C12orf56: variants seen among roughly 807,000 people sequenced by gnomAD.
C12orf56 encodes the protein uncharacterized protein C12orf56.
Under a neutral mutation model 69.9 loss-of-function variants are expected in C12orf56, and 71 were observed. The ratio of observed to expected loss-of-function variants is 1.02; its 90% CI spans 0.84 to 1.24. The LOEUF is 1.24. C12orf56 is among the 50% of genes most tolerant of loss of function. C12orf56 has a pLI of 0.00. For synonymous variants in C12orf56, 276 were observed against 274.1 expected (o/e 1.01, Z -0.07); for missense variants, 732 against 738.5 (o/e 0.99, Z 0.10).
intron 5 of C12orf56, among the ~76,000 whole-genome samples, chr12:64,308,940 G>GAAAAAAGA (rs35488127): frequency 3.2e-4 from 26 of 80,878 alleles, no homozygotes; most frequent in African/African-American, 6.4e-4. Context: ...AAGAAAGAAA[G>GAAAAAAGA]AAGAAAGAAA....
At chr12:64,380,000 G>C (rs1274090041) in intron 1 of C12orf56, among the ~76,000 whole-genome samples, 2 of 149,696 alleles carry the variant, frequency 1.3e-5, no homozygotes, top group Non-Finnish European at 3.0e-5. Flanking sequence ...AGCTACTCCG[G>C]AGGCTGAGGC....
At chr12:64,358,798 A>T (rs2135958306) in intron 1 of C12orf56, among the ~76,000 whole-genome samples, 1 of 152,242 alleles carries the variant, frequency 6.6e-6, no homozygotes, top group South Asian at 2.1e-4. Context: ...CATCTCCAAA[A>T]AATAATAATA....
chr12:64,284,389 G>A (rs1305050937), intron 8 of C12orf56, among the ~76,000 whole-genome samples: 1 of 152,286 alleles, frequency 6.6e-6, no homozygotes, highest in East Asian at 1.9e-4. Flanking sequence ...TGTATGATGG[G>A]TCATTTGGTC....
At chr12:64,295,452 A>G (rs2038352357) in intron 6 of C12orf56, among the ~76,000 whole-genome samples, 1 of 152,134 alleles carries the variant, frequency 6.6e-6, no homozygotes, top group Non-Finnish European at 1.5e-5. Context: ...TGAGTCCAAG[A>G]CCAGCCTGGG....
intron 1 of C12orf56, among the ~76,000 whole-genome samples, chr12:64,382,262 CAAAAAA>C (rs55714337): frequency 2.0e-5 from 2 of 97,700 alleles, no homozygotes; most frequent in Admixed American, 1.2e-4. Context: ...ACTCTTGTCT[CAAAAAA>C]AAAAAAAAAA....
chr12:64,346,980 A>ATTT (rs71092960), intron 2 of C12orf56, among the ~76,000 whole-genome samples: 170 of 149,332 alleles, frequency 1.1e-3, no homozygotes, highest in African/African-American at 3.0e-3. Context: ...ATCTAGTTAC[A>ATTT]TTTTTTTTTT....
intron 1 of C12orf56, among the ~76,000 whole-genome samples, chr12:64,356,561 G>A (rs1037273795): frequency 6.6e-6 from 1 of 152,176 alleles, no homozygotes; most frequent in African/African-American, 2.4e-5. Flanking sequence ...TTTAAAGAGA[G>A]CAGGAGTACA....
intron 8 of C12orf56, among the ~76,000 whole-genome samples, chr12:64,282,527 C>T (rs946244204): frequency 2.5e-5 from 1 of 40,238 alleles, no homozygotes; most frequent in African/African-American, 5.6e-5. Flanking sequence ...GTAATCCTAG[C>T]ACTTTGGGGG....
At chr12:64,350,186 A>G (rs1317060834) in intron 2 of C12orf56, among the ~76,000 whole-genome samples, 2 of 151,948 alleles carry the variant, frequency 1.3e-5, no homozygotes, top group African/African-American at 4.8e-5. Flanking sequence ...TACAAATTGG[A>G]TGCAGTGTAT....
chr12:64,335,518 C>T (rs1449286861), intron 2 of C12orf56, among the ~76,000 whole-genome samples: 2 of 151,692 alleles, frequency 1.3e-5, no homozygotes, highest in East Asian at 3.9e-4. Context: ...AATAACCATC[C>T]TCTTTCATCT....
At chr12:64,332,818 C>G (rs2136868332) in intron 2 of C12orf56, among the ~76,000 whole-genome samples, 1 of 152,280 alleles carries the variant, frequency 6.6e-6, no homozygotes, top group Non-Finnish European at 1.5e-5. Context: ...GGAGGAGGTC[C>G]TAGCCAAGCT....
At chr12:64,366,164 T>C (rs1305439722) in intron 1 of C12orf56, among the ~76,000 whole-genome samples, 1 of 128,498 alleles carries the variant, frequency 7.8e-6, no homozygotes, top group Non-Finnish European at 1.5e-5. Flanking sequence ...ATATAGCTTG[T>C]ATAATATATA....
At chr12:64,367,887 A>C (rs1462110445) in intron 1 of C12orf56, among the ~76,000 whole-genome samples, 1 of 149,464 alleles carries the variant, frequency 6.7e-6, no homozygotes, top group African/African-American at 2.5e-5. Context: ...AGCTCACTGC[A>C]ACCTCTACCT....
At chr12:64,308,973 A>AAGAAAGG (rs1291248261) in intron 5 of C12orf56, among the ~76,000 whole-genome samples, 2 of 47,280 alleles carry the variant, frequency 4.2e-5, no homozygotes, top group African/African-American at 1.8e-4. Context: ...GAAAGAAAGA[A>AAGAAAGG]AAGAAAGAAA....
chr12:64,341,103 A>G (rs946074696), intron 2 of C12orf56, among the ~76,000 whole-genome samples: 1 of 152,122 alleles, frequency 6.6e-6, no homozygotes, highest in Non-Finnish European at 1.5e-5. Flanking sequence ...TGTTGACTTA[A>G]AGGTAGGAGG....
chr12:64,382,671 G>A (rs1377266580), intron 1 of C12orf56, among the ~76,000 whole-genome samples: 1 of 150,762 alleles, frequency 6.6e-6, no homozygotes, highest in African/African-American at 2.4e-5. Flanking sequence ...TCAGGAGATC[G>A]AAACCATCCT....
chr12:64,285,671 C>G (rs2038189555), intron 7 of C12orf56, among the ~76,000 whole-genome samples: 1 of 152,036 alleles, frequency 6.6e-6, no homozygotes. Flanking sequence ...GCTTGTAATC[C>G]CAGTTGCTCC....
At chr12:64,382,313 A>C (rs568013486) in intron 1 of C12orf56, among the ~76,000 whole-genome samples, 3 of 151,938 alleles carry the variant, frequency 2.0e-5, no homozygotes, top group Middle Eastern at 3.4e-3. Context: ...TAAAACACCT[A>C]ATACATAATC....
intron 8 of C12orf56, 60 bp from the exon 9 acceptor site, chr12:64,277,863 A>C: frequency 7.5e-7 from 1 of 1,336,364 alleles, no homozygotes; most frequent in Non-Finnish European, 9.9e-7. Context: ...AAAATGGTGA[A>C]GCCAAGTTTC....
Sources: allele counts gnomAD v4.1 joint callset (sites outside exome capture counted in the v4.1 genomes callset), GRCh38; gene constraint gnomAD v4.1.1; transcripts MANE v1.5; gene names NCBI Gene and HGNC (gene_info 2026-07-23, HGNC 2026-07-21).